The following LAG3 variants were observed in gnomAD, a reference collection of about 807,000 sequenced individuals.
LAG3 encodes the protein lymphocyte activating 3, also known as lymphocyte activation gene 3 protein.
In LAG3, 29 loss-of-function variants were observed where a neutral mutation model predicts 49.0. The ratio of observed to expected loss-of-function variants is 0.59; its 90% CI spans 0.44 to 0.81. The LOEUF is 0.81. Among genes scored for constraint, LAG3 ranks in the 30% least tolerant of loss-of-function variants. The probability of loss-of-function intolerance (pLI) is 0.00; values close to 1 mark genes in which losing one functional copy is unlikely to be tolerated. For missense variants in LAG3, 693 were observed against 695.2 expected (o/e 1.00, Z 0.04); for synonymous variants, 320 against 297.3 (o/e 1.08, Z -0.79).
Position 6,773,594 on chromosome 12 carries a change from G to C in LAG3, c.207-103G>C, listed in dbSNP as rs1941867611. The C allele has an allele frequency of 7.6e-7, 1 of 1,309,262 alleles. No homozygotes were observed. The highest frequency in any genetic ancestry group is 9.8e-7 in the Non-Finnish European group (1 of 1,020,726). 81.1% of individuals were successfully genotyped at this position (1,309,262 alleles called of 1,614,324 possible). On this transcript the variant is annotated intron_variant, in intron 2 of 7. Coordinates refer to ENST00000203629, the MANE Select transcript of LAG3 (RefSeq NM_002286.6). The surrounding 1 kb of genome is among the most constrained non-coding windows in gnomAD (Gnocchi z 5.5). ...GTGAGGGGACGGTTGGTGGTCAAGA[G>C]AACTCTTGGGGCGGGCTTTCTCATC...
chr12:6,774,050 C>G, intron 3 of LAG3, 49 bp downstream of exon 3: 7 of 1,374,578 alleles, frequency 5.1e-6, no homozygotes, highest in Non-Finnish European at 6.5e-6. Flanking sequence ...GGGTCCCCAT[C>G]CCCTGCCTCC....
Position 6,772,635 on chromosome 12 carries a change from A to G in LAG3, c.-218A>G. ...CGCCCCCACCTCCTCAGGCTGCCTG[A>G]TCTGCCCAGCTTTCCAGCTTTCCTC... is the stretch of plus-strand genomic sequence containing the variant. On this transcript the variant is annotated 5_prime_UTR_variant, in exon 1 of 8. Coordinates refer to ENST00000203629, the MANE Select transcript of LAG3 (RefSeq NM_002286.6). 2.4e-6 allele frequency: 1 copy of G among 416,042 alleles called. No individual in the cohort carries two copies. Among genetic ancestry groups the G allele is most frequent in the South Asian group, 3.7e-5 (1 of 26,844 alleles). 25.8% of individuals were successfully genotyped at this position (416,042 alleles called of 1,614,324 possible).
At position 6,773,608 on chromosome 12, in the gene LAG3, G is replaced by T; in HGVS notation, c.207-89G>T. ...GGTGGTCAAGAGAACTCTTGGGGCG[G>T]GCTTTCTCATCCTCAACGGGTGGCT... is the stretch of plus-strand genomic sequence containing the variant. On this transcript the variant is annotated intron_variant, in intron 2 of 7. Transcript: ENST00000203629. This position sits in a 1 kb window ranked among gnomAD's most constrained non-coding sequence, Gnocchi z 5.5. 7.5e-7 allele frequency: 1 copy of T among 1,326,610 alleles called. No individual in the cohort carries two copies. Among genetic ancestry groups the T allele is most frequent in the Non-Finnish European group, 9.6e-7 (1 of 1,040,500 alleles). The allele number at this position is 1,326,610 out of a possible 1,614,324, so 82.2% of individuals were successfully genotyped here.
rs1335017928 is a variant in LAG3 at position 6,774,619 on chromosome 12, T to C, written c.536T>C (p.Leu179Pro). The stretch of plus-strand genomic sequence containing the variant: ...GTGACTGCCAGCCCCCCAGGATCTC[T>C]CAGAGCCTCCGACTGGGTCATTTTG... Reference protein sequence around the residue: ...ASMTASPPGSLRASDWVILNC... With the variant: ...ASMTASPPGSPRASDWVILNC... The change falls in exon 4 of 8, where the codon CTC becomes CCC. Residue 179 changes from leucine (L) to proline (P), a missense_variant. Physicochemically the swap from Leu to Pro is moderately conservative, Grantham distance 98. Transcript: ENST00000203629. 1.2e-6 allele frequency: 2 copies of C among 1,613,930 alleles called. No individual in the cohort carries two copies. The highest frequency in any genetic ancestry group is 1.7e-5 in the Admixed American group (1 of 59,994).
chr12:6,777,367 C>T lies in LAG3; in HGVS notation c.1161C>T (p.Thr387=), dbSNP rs751966656. 6.2e-7 allele frequency: 1 copy of T among 1,614,214 alleles called. No individual in the cohort carries two copies. The highest frequency in any genetic ancestry group is 8.5e-7 in the Non-Finnish European group (1 of 1,180,048). ...GCTTTGTGTGGAGCTCTCTGGACACCCCATCCCAGAGGAGTTTCTCAGGAC... is the reference window on the plus strand; with the variant it reads ...GCTTTGTGTGGAGCTCTCTGGACACTCCATCCCAGAGGAGTTTCTCAGGAC... ...QERFVWSSLD[T]PSQRSFSGPW... is the part of the protein sequence containing the mutation. The change falls in exon 6 of 8, where the codon ACC becomes ACT. Residue 387 remains threonine (T), a synonymous_variant. Coordinates refer to ENST00000203629, the MANE Select transcript of LAG3 (RefSeq NM_002286.6).
intron 6 of LAG3, 127 bp from the exon 7 acceptor site, chr12:6,777,664 C>A: frequency 6.9e-7 from 1 of 1,440,222 alleles, no homozygotes; most frequent in Non-Finnish European, 9.5e-7. Context: ...CGCCACTGAT[C>A]AGCTGAATGA....
At chr12:6,776,042 G>A (rs1325101187) in intron 5 of LAG3, among the ~76,000 whole-genome samples, 4 of 152,204 alleles carry the variant, frequency 2.6e-5, no homozygotes, top group Non-Finnish European at 5.9e-5. Context: ...GAGAGTATGT[G>A]TTGACTGGTT....
chr12:6,777,687 T>C, intron 6 of LAG3, 104 bp from the exon 7 acceptor site: 1 of 1,489,762 alleles, frequency 6.7e-7, no homozygotes, highest in Non-Finnish European at 9.2e-7. Context: ...CTGGGACAAG[T>C]CCCTTAAACT....
At chr12:6,776,955 T>C (rs886555237) in intron 5 of LAG3, among the ~76,000 whole-genome samples, 7 of 152,162 alleles carry the variant, frequency 4.6e-5, no homozygotes, top group Admixed American at 2.0e-4. Context: ...AAGATAAATG[T>C]GGCCGGCAGG....
In LAG3 at chr12:6,775,352, T is replaced by C. The variant is rs769095003; in HGVS notation, c.861T>C (p.Gly287=). The C allele has an allele frequency of 6.8e-6, 11 of 1,614,084 alleles. No homozygotes were observed. In the East Asian group the frequency reaches 2.2e-4, roughly 33 times the overall value. Residue 287 remains glycine (G), a synonymous_variant, in exon 5 of 8, where the codon GGT becomes GGC. Coordinates refer to ENST00000203629, the MANE Select transcript of LAG3 (RefSeq NM_002286.6). The part of the protein sequence containing the change: ...RVGLPCRLPA[G]VGTRSFLTAK... Reference sequence around the variant, plus strand: ...GGCTGCCCTGCCGCCTGCCTGCTGGTGTGGGGACCCGGTCTTTCCTCACTG... The same window carrying C: ...GGCTGCCCTGCCGCCTGCCTGCTGGCGTGGGGACCCGGTCTTTCCTCACTG...
intron 4 of LAG3, 109 bp downstream of exon 4, chr12:6,774,973 C>A: frequency 9.0e-7 from 1 of 1,116,326 alleles, no homozygotes; most frequent in Non-Finnish European, 1.3e-6. Context: ...GAGTGGCCTA[C>A]GTCATTGCTG....
In LAG3 at chr12:6,774,824, T is replaced by C. The variant is rs569941518; in HGVS notation, c.741T>C (p.Asp247=). ...GGGGCTGCATCCTCACCTACAGAGA[T>C]GGCTTCAACGTCTCCATCATGTATA... ...GPWGCILTYR[D]GFNVSIMYNL... is the part of the protein sequence containing the mutation. The change falls in exon 4 of 8, where the codon GAT becomes GAC. Residue 247 remains aspartate, a synonymous_variant. Coordinates refer to ENST00000203629, the MANE Select transcript of LAG3 (RefSeq NM_002286.6). 2.5e-6 allele frequency: 4 copies of C among 1,614,060 alleles called. No homozygotes were observed. In the South Asian group the frequency reaches 4.4e-5, roughly 18 times the overall value.
intron 5 of LAG3, among the ~76,000 whole-genome samples, chr12:6,776,473 C>T (rs950040422): frequency 9.9e-5 from 15 of 152,156 alleles, no homozygotes; most frequent in Admixed American, 3.9e-4. Flanking sequence ...ACTGTTACCC[C>T]GAAGACTTTC....
In LAG3 at chr12:6,772,864, T is replaced by G; in HGVS notation, c.12T>G (p.Ala4=). The G allele has an allele frequency of 6.3e-7, 1 of 1,596,486 alleles. No individual in the cohort carries two copies. Among genetic ancestry groups the G allele is most frequent in the Non-Finnish European group, 8.5e-7 (1 of 1,170,738 alleles). Residue 4 remains alanine (A), a synonymous_variant, in exon 1 of 8, where the codon GCT becomes GCG. Coordinates refer to ENST00000203629, the MANE Select transcript of LAG3 (RefSeq NM_002286.6). ...AGACCATAGGAGAGATGTGGGAGGC[T>G]CAGTTCCTGGGCTTGCTGTTTCTGC... MWE[A]QFLGLLFLQP...
Position 6,778,183 on chromosome 12 carries a change from C to G in LAG3, c.1432-61C>G, listed in dbSNP as rs748089544. The G allele has an allele frequency of 8.7e-6, 13 of 1,486,564 alleles. No homozygotes were observed. The South Asian group carries it at 1.3e-4, about 15-fold the overall frequency. The allele number at this position is 1,486,564 out of a possible 1,614,324, so 92.1% of individuals were successfully genotyped here. A position where few individuals can be genotyped will look rare whatever the true frequency, so the allele number is the denominator to read the frequency against. Reference sequence around the variant, plus strand: ...GAGGGACTCAGTGTCCCTCCTCATCCGCTTCCCTTCATCCTTCTCCTCCTT... The same window carrying G: ...GAGGGACTCAGTGTCCCTCCTCATCGGCTTCCCTTCATCCTTCTCCTCCTT... On this transcript the variant is annotated intron_variant, in intron 7 of 7. Transcript: ENST00000203629.
In LAG3 at chr12:6,773,738, G is replaced by A. The variant is rs756995638; in HGVS notation, c.248G>A (p.Gly83Asp). ...AAAPGHPLAP[G>D]PHPAAPSSWG... is the part of the protein sequence containing the mutation. ...GCCCCCGGCCATCCCCTGGCCCCCG[G>A]CCCTCACCCGGCGGCGCCCTCCTCC... is the stretch of plus-strand genomic sequence containing the variant. The change falls in exon 3 of 8, where the codon GGC (glycine) becomes GAC (aspartate). Residue 83 changes from glycine to aspartate, a missense_variant. Gly to Asp is a moderately conservative substitution (Grantham distance 94). Transcript: ENST00000203629. This position sits in a 1 kb window ranked among gnomAD's most constrained non-coding sequence, Gnocchi z 5.5. 8.1e-5 allele frequency: 108 copies of A among 1,331,314 alleles called. No homozygotes were observed. Among genetic ancestry groups the A allele is most frequent in the Non-Finnish European group, 5.1e-5 (53 of 1,047,406 alleles). 82.5% of individuals were successfully genotyped at this position (1,331,314 alleles called of 1,614,324 possible).
Position 6,777,401 on chromosome 12 carries a change from G to C in LAG3, c.1195G>C (p.Glu399Gln). ...GAGGAGTTTCTCAGGACCTTGGCTGGAGGCACAGGAGGCCCAGCTCCTTTC... is the reference window on the plus strand; with the variant it reads ...GAGGAGTTTCTCAGGACCTTGGCTGCAGGCACAGGAGGCCCAGCTCCTTTC... Reference protein sequence around the residue: ...SQRSFSGPWLEAQEAQLLSQP... With the variant: ...SQRSFSGPWLQAQEAQLLSQP... Residue 399 changes from glutamate to glutamine, a missense_variant, in exon 6 of 8, where the codon GAG (glutamate) becomes CAG (glutamine). Glu to Gln is a conservative substitution (Grantham distance 29). Coordinates refer to ENST00000203629, the MANE Select transcript of LAG3 (RefSeq NM_002286.6). The C allele has an allele frequency of 6.2e-7, 1 of 1,614,182 alleles. No homozygotes were observed. Among genetic ancestry groups the C allele is most frequent in the South Asian group, 1.1e-5 (1 of 91,084 alleles).
At chr12:6,777,593 A>T in intron 6 of LAG3, 87 bp downstream of exon 6, 3 of 1,522,370 alleles carry the variant, frequency 2.0e-6, no homozygotes, top group Non-Finnish European at 1.8e-6. Context: ...CCCCCATCCC[A>T]GCGCTTTTCT....
rs12315020 is a variant in LAG3 at position 6,773,543 on chromosome 12, C to A, written c.207-154C>A. 1.3e-5 allele frequency among the ~76,000 whole-genome samples: 2 copies of A among 152,206 alleles called. No individual in the cohort carries two copies. Among genetic ancestry groups the A allele is most frequent in the African/African-American group, 4.8e-5 (2 of 41,460 alleles). ...CATCCCTTCTCTCCAGAAGTGGATG[C>A]GGCCAGTCCAACAGAGGGGTCGGGC... On this transcript the variant is annotated intron_variant, in intron 2 of 7. Transcript: ENST00000203629. This position sits in a 1 kb window ranked among gnomAD's most constrained non-coding sequence, Gnocchi z 5.5.
Sources: allele counts gnomAD v4.1 joint callset (sites outside exome capture counted in the v4.1 genomes callset), GRCh38; gene constraint gnomAD v4.1.1; non-coding constraint Gnocchi (gnomAD v3.1); transcripts MANE v1.5; gene names NCBI Gene and HGNC (gene_info 2026-07-23, HGNC 2026-07-21).